The following ARID2 variants were observed in gnomAD, a reference collection of about 807,000 sequenced individuals.
ARID2 encodes AT-rich interaction domain 2.
Under a neutral mutation model 184.6 loss-of-function variants are expected in ARID2, and 32 were observed. The ratio of observed to expected loss-of-function variants is 0.17; its 90% CI spans 0.13 to 0.23. The LOEUF is 0.23. Ranked by LOEUF, ARID2 falls within the 10% of genes least tolerant of loss-of-function variation. The pLI is 1.00. For synonymous variants in ARID2, 836 were observed against 772.6 expected (o/e 1.08, Z -1.36); for missense variants, 1,696 against 2,197.6 (o/e 0.77, Z 4.56).
chr12:45,793,681 A>G (rs773315108), intron 3 of ARID2, among the ~76,000 whole-genome samples: 9 of 151,564 alleles, frequency 5.9e-5, no homozygotes, highest in Non-Finnish European at 7.4e-5. Flanking sequence ...TATTCTACAT[A>G]TTTATATATA....
intron 3 of ARID2, among the ~76,000 whole-genome samples, chr12:45,734,649 A>G (rs1276532098): frequency 1.3e-5 from 2 of 152,020 alleles, no homozygotes; most frequent in Non-Finnish European, 2.9e-5. Flanking sequence ...GACGTGTTCA[A>G]TAATATTTGG....
At chr12:45,831,041 T>A (rs1328707248) in intron 6 of ARID2, among the ~76,000 whole-genome samples, 1 of 143,844 alleles carries the variant, frequency 7.0e-6, no homozygotes, top group Non-Finnish European at 1.5e-5. Flanking sequence ...CGAGACTCTG[T>A]CAAAAAAAAA....
At chr12:45,829,209 A>G (rs893200893) in intron 6 of ARID2, among the ~76,000 whole-genome samples, 1 of 152,212 alleles carries the variant, frequency 6.6e-6, no homozygotes, top group South Asian at 2.1e-4. Context: ...ATATATGTAT[A>G]GATCTTTTTC....
intron 16 of ARID2, among the ~76,000 whole-genome samples, chr12:45,873,884 C>T (rs1943965470): frequency 6.6e-6 from 1 of 152,160 alleles, no homozygotes; most frequent in South Asian, 2.1e-4. Context: ...ATAGTGGTTG[C>T]TGAAGGTTGG....
intron 16 of ARID2, among the ~76,000 whole-genome samples, chr12:45,885,350 G>T (rs1944168799): frequency 6.6e-6 from 1 of 151,724 alleles, no homozygotes; most frequent in Non-Finnish European, 1.5e-5. Flanking sequence ...TGGATGTATA[G>T]TCTCACATAT....
At chr12:45,839,550 A>G (rs1230777867) in intron 11 of ARID2, 54 bp downstream of exon 11, 1 of 1,542,144 alleles carries the variant, frequency 6.5e-7, no homozygotes, top group Non-Finnish European at 8.7e-7. Context: ...ATAAGATTTG[A>G]TCCTAAGAAT....
intron 20 of ARID2, among the ~76,000 whole-genome samples, chr12:45,896,451 T>C (rs1363666959): frequency 6.6e-6 from 1 of 152,128 alleles, no homozygotes; most frequent in Admixed American, 6.5e-5. Flanking sequence ...TGGGGGCACG[T>C]CTCTCCTGTG....
At chr12:45,854,308 G>A (rs76841425) in intron 15 of ARID2, among the ~76,000 whole-genome samples, 402 of 152,198 alleles carry the variant, frequency 2.6e-3, no homozygotes, top group African/African-American at 8.6e-3. Context: ...TAAATGTAAT[G>A]CGCTTGTATC....
At chr12:45,753,987 A>G (rs1295565720) in intron 3 of ARID2, among the ~76,000 whole-genome samples, 1 of 152,206 alleles carries the variant, frequency 6.6e-6, no homozygotes, top group African/African-American at 2.4e-5. Context: ...GCTTCTGGCT[A>G]TATCTGATGT....
chr12:45,820,083 A>G (rs916362295), intron 5 of ARID2, among the ~76,000 whole-genome samples: 56 of 152,000 alleles, frequency 3.7e-4, no homozygotes, highest in Admixed American at 3.5e-3. Flanking sequence ...AGGACAAAGA[A>G]AACTTTGTCT....
Position 45,852,619 on chromosome 12 carries a change from T to C in ARID2, c.4496T>C (p.Leu1499Pro), listed in dbSNP as rs1324779117. ...SGSKVSHSPA[L>P]SSDVRSTNGT... is the part of the protein sequence containing the mutation. ...TCAAAAGTATCCCATTCTCCTGCCC[T>C]ATCATCTGACGTTCGGTCTACAAAT... is the stretch of plus-strand genomic sequence containing the variant. Residue 1499 changes from leucine to proline, a missense_variant, in exon 15 of 21, where the codon CTA becomes CCA. By Grantham distance (98) the Leu-to-Pro change is moderately conservative (BLOSUM62 -3). Around this residue, in one of 11 missense-constraint regions of ARID2, gnomAD observed 428 missense variants for 409.1 expected, o/e 1.05. Transcript: ENST00000334344. 7.4e-6 allele frequency: 12 copies of C among 1,614,068 alleles called. No individual in the cohort carries two copies. Among genetic ancestry groups the C allele is most frequent in the African/African-American group, 1.3e-5 (1 of 74,940 alleles).
intron 5 of ARID2, 39 bp downstream of exon 5, chr12:45,817,927 A>G (rs2138094109): frequency 6.6e-7 from 1 of 1,516,174 alleles, no homozygotes; most frequent in South Asian, 1.3e-5. Context: ...ATTCTTCTGT[A>G]AAAGTTTTTT....
intron 15 of ARID2, among the ~76,000 whole-genome samples, chr12:45,854,261 A>G (rs1041886281): frequency 8.5e-5 from 13 of 152,298 alleles, no homozygotes; most frequent in Admixed American, 8.5e-4. Context: ...TTATTTCATT[A>G]TATATTACAG....
intron 6 of ARID2, among the ~76,000 whole-genome samples, chr12:45,831,654 A>G (rs1331830911): frequency 2.6e-5 from 4 of 152,124 alleles, no homozygotes; most frequent in African/African-American, 9.7e-5. Context: ...AACCATTCCT[A>G]CTTTGCCCCA....
At position 45,852,584 on chromosome 12, in the gene ARID2, C is replaced by G. The variant is rs770783586; in HGVS notation, c.4461C>G (p.Pro1487=). 7 of 1,614,122 alleles carry G rather than the reference C, an allele frequency of 4.3e-6. No individual in the cohort carries two copies. The highest frequency in any genetic ancestry group is 5.9e-6 in the Non-Finnish European group (7 of 1,179,998). The part of the protein sequence containing the change: ...VIQGHQIIAV[P]DSGSKVSHSP... ...AGGGACATCAAATCATAGCAGTTCCCGACTCAGGATCAAAAGTATCCCATT... is the reference window on the plus strand; with the variant it reads ...AGGGACATCAAATCATAGCAGTTCCGGACTCAGGATCAAAAGTATCCCATT... Residue 1487 remains proline (P), a synonymous_variant, in exon 15 of 21, where the codon CCC becomes CCG. Transcript: ENST00000334344.
At position 45,893,700 on chromosome 12, in the gene ARID2, A is replaced by G. The variant is rs2136463158; in HGVS notation, c.5342A>G (p.Lys1781Arg). Reference protein sequence around the residue: ...TAALILKNIGKYSECGRRLLK... With the variant: ...TAALILKNIGRYSECGRRLLK... The stretch of plus-strand genomic sequence containing the variant: ...GCCTTAATATTAAAAAATATTGGTA[A>G]ATATTCAGAATGTGGTCGCAGGTGA... The change falls in exon 20 of 21, where the codon AAA becomes AGA. Residue 1781 changes from lysine to arginine, a missense_variant. Lys to Arg is a conservative substitution (Grantham distance 26). Around this residue, in one of 11 missense-constraint regions of ARID2, gnomAD observed 69 missense variants for 118.2 expected, o/e 0.58. Transcript: ENST00000334344. 1 of 1,602,152 alleles carries G rather than the reference A, an allele frequency of 6.2e-7. No homozygotes were observed. Among genetic ancestry groups the G allele is most frequent in the Non-Finnish European group, 8.5e-7 (1 of 1,176,646 alleles).
intron 3 of ARID2, among the ~76,000 whole-genome samples, chr12:45,771,870 C>A (rs531913465): frequency 3.3e-5 from 5 of 151,946 alleles, no homozygotes; most frequent in Admixed American, 6.6e-5. Flanking sequence ...GAGCAAACTC[C>A]CTTTGCTCTT....
chr12:45,817,654 T>G lies in ARID2; in HGVS notation c.419-16T>G. ...CTGATCTTTGATATACTTAAGGTAT[T>G]TTTTTTCTTTGTTAGATTATCTGCG... On this transcript the variant is annotated splice_polypyrimidine_tract_variant and intron_variant, in intron 4 of 20. Coordinates refer to ENST00000334344, the MANE Select transcript of ARID2 (RefSeq NM_152641.4). The G allele has an allele frequency of 6.3e-7, 1 of 1,592,590 alleles. No homozygotes were observed. The highest frequency in any genetic ancestry group is 8.5e-7 in the Non-Finnish European group (1 of 1,171,400).
At chr12:45,771,154 TA>T (rs1230188143) in intron 3 of ARID2, among the ~76,000 whole-genome samples, 2 of 152,132 alleles carry the variant, frequency 1.3e-5, no homozygotes, top group Non-Finnish European at 2.9e-5. Context: ...TTAATTGATT[TA>T]AAAAGCAGGC....
Sources: allele counts gnomAD v4.1 joint callset (sites outside exome capture counted in the v4.1 genomes callset), GRCh38; gene constraint gnomAD v4.1.1; regional missense constraint gnomAD v4.1.1; transcripts MANE v1.5; gene names NCBI Gene and HGNC (gene_info 2026-07-23, HGNC 2026-07-21).